The following PCCB variants were observed in gnomAD, a reference collection of about 807,000 sequenced individuals.
The protein encoded by PCCB is propionyl-CoA carboxylase beta chain, mitochondrial.
PCCB carries 43 observed loss-of-function variants against 60.7 expected under a neutral mutation model. The ratio of observed to expected loss-of-function variants is 0.71; its 90% confidence interval spans 0.55 to 0.91. The LOEUF (loss-of-function observed/expected upper bound fraction) is 0.91, where lower values mean the gene tolerates loss of function less well. Ranked by LOEUF, PCCB falls within the 40% of genes least tolerant of loss-of-function variation. The pLI, the probability that PCCB is intolerant of heterozygous loss-of-function variation, is 0.00. For missense variants in PCCB, 766 were observed against 702.8 expected (o/e 1.09, Z -1.02); for synonymous variants, 276 against 255.9 (o/e 1.08, Z -0.75).
chr3:136,302,069 C>T (rs570983648), intron 9 of PCCB, among the ~76,000 whole-genome samples: 38 of 152,324 alleles, frequency 2.5e-4, no homozygotes, highest in African/African-American at 8.9e-4. Context: ...GTTGTAGCAA[C>T]AGTGACCACC....
chr3:136,293,823 A>G lies in PCCB; in HGVS notation c.722A>G (p.Gln241Arg), dbSNP rs766364049. The G allele has an allele frequency of 8.7e-6, 14 of 1,612,874 alleles. No individual in the cohort carries two copies. Among genetic ancestry groups the G allele is most frequent in the Non-Finnish European group, 1.2e-5 (14 of 1,179,072 alleles). The part of the protein sequence containing the change: ...VKSVTNEDVT[Q>R]EELGGAKTHT... ...TCTGTCACCAATGAGGATGTTACCC[A>G]GGAGGAGCTCGGTGGTGCCAAGACC... The change falls in exon 7 of 15, where the codon CAG becomes CGG. Residue 241 changes from glutamine (Q) to arginine (R), a missense_variant. By Grantham distance (43) the Gln-to-Arg change is conservative. Coordinates refer to ENST00000251654, the MANE Select transcript of PCCB (RefSeq NM_000532.5).
chr3:136,269,951 G>A (rs1322858838), intron 5 of PCCB, among the ~76,000 whole-genome samples: 3 of 147,212 alleles, frequency 2.0e-5, no homozygotes, highest in African/African-American at 2.5e-5. Flanking sequence ...TAAGGAGAAA[G>A]CATTCATTCT....
chr3:136,265,497 T>A (rs1560000805), intron 5 of PCCB, among the ~76,000 whole-genome samples: 1 of 152,240 alleles, frequency 6.6e-6, no homozygotes, highest in Non-Finnish European at 1.5e-5. Flanking sequence ...TCCTTTTTAT[T>A]GGTGAATAAT....
chr3:136,272,018 A>G (rs1412317233), intron 5 of PCCB, among the ~76,000 whole-genome samples: 6 of 152,032 alleles, frequency 3.9e-5, no homozygotes, highest in East Asian at 3.8e-4. Context: ...TGCTTTTACT[A>G]TTTTGAAGTA....
intron 10 of PCCB, among the ~76,000 whole-genome samples, chr3:136,323,316 G>GT (rs1446998641): frequency 2.0e-5 from 3 of 152,056 alleles, no homozygotes; most frequent in African/African-American, 7.2e-5. Flanking sequence ...AATTTCAATT[G>GT]TTTTATCTTC....
At chr3:136,309,318 G>GA (rs1459860831) in intron 9 of PCCB, among the ~76,000 whole-genome samples, 1 of 151,298 alleles carries the variant, frequency 6.6e-6, no homozygotes, top group African/African-American at 2.4e-5. Flanking sequence ...AAAGCCAGGG[G>GA]AAAAAACCCT....
chr3:136,260,174 A>G (rs1393109450), intron 3 of PCCB: 2 of 452,434 alleles, frequency 4.4e-6, no homozygotes, highest in Non-Finnish European at 8.2e-6. Flanking sequence ...CCAGGGCTCA[A>G]GCAATCCTCC....
rs541145899 is a variant in PCCB, at chr3:136,278,030, C to T, written c.544-5807C>T. On this transcript the variant is annotated intron_variant, in intron 5 of 14. Coordinates refer to ENST00000251654, the MANE Select transcript of PCCB (RefSeq NM_000532.5). ...GAAATGGGGAGATTCTTTCAACCTG[C>T]GACCACTACCTGAGCTTGTTGGCTG... 3.3e-5 allele frequency among the ~76,000 whole-genome samples: 5 copies of T among 152,294 alleles called. No homozygotes were observed. In the East Asian group the frequency reaches 5.8e-4, roughly 18 times the overall value.
At chr3:136,263,368 C>A (rs997036629) in intron 5 of PCCB, among the ~76,000 whole-genome samples, 1 of 151,088 alleles carries the variant, frequency 6.6e-6, no homozygotes, top group East Asian at 2.0e-4. Context: ...TGGGCTCAAG[C>A]GATCATCCCA....
chr3:136,315,208 A>T (rs1222119435), intron 9 of PCCB, among the ~76,000 whole-genome samples: 1 of 152,236 alleles, frequency 6.6e-6, no homozygotes, highest in Non-Finnish European at 1.5e-5. Context: ...AAAGGATACT[A>T]TTGGAACAAT....
intron 9 of PCCB, among the ~76,000 whole-genome samples, chr3:136,311,956 A>G (rs545908198): frequency 6.6e-6 from 1 of 152,230 alleles, no homozygotes; most frequent in Non-Finnish European, 1.5e-5. Flanking sequence ...TTTATACAAA[A>G]GTGCACATGG....
At position 136,283,939 on chromosome 3, in the gene PCCB, A is replaced by G. The variant is rs747252352; in HGVS notation, c.646A>G (p.Met216Val). Residue 216 changes from methionine (M) to valine (V), a missense_variant, in exon 6 of 15, where the codon ATG becomes GTG. Coordinates refer to ENST00000251654, the MANE Select transcript of PCCB (RefSeq NM_000532.5). Reference sequence around the variant, plus strand: ...CCCAGCCCTAACAGACTTCACGTTCATGGTAAAGGTAAGAAAGAAGGGCCT... The same window carrying G: ...CCCAGCCCTAACAGACTTCACGTTCGTGGTAAAGGTAAGAAAGAAGGGCCT... ...YSPALTDFTF[M>V]VKDTSYLFIT... 13 of 1,605,086 alleles carry G rather than the reference A, an allele frequency of 8.1e-6. 1 individual carries two copies. Among genetic ancestry groups the G allele is most frequent in the Middle Eastern group, 1.7e-4 (1 of 5,906 alleles).
At chr3:136,309,486 T>G (rs112945064) in intron 9 of PCCB, among the ~76,000 whole-genome samples, 1 of 151,774 alleles carries the variant, frequency 6.6e-6, no homozygotes, top group Admixed American at 6.6e-5. Flanking sequence ...GGAATAACCA[T>G]TGAAAAAGAA....
intron 10 of PCCB, 141 bp from the exon 11 acceptor site, chr3:136,326,662 T>C (rs1935321331): frequency 4.1e-6 from 3 of 734,102 alleles, no homozygotes; most frequent in Admixed American, 3.8e-5. Flanking sequence ...GTTTGAGGGG[T>C]CCTTGTTACC....
intron 1 of PCCB, chr3:136,252,218 T>C: frequency 8.8e-6 from 4 of 453,434 alleles, no homozygotes; most frequent in South Asian, 4.7e-5. Flanking sequence ...ACCATTTCCG[T>C]AGATTTTCCC....
chr3:136,267,601 C>T (rs1249567137), intron 5 of PCCB, among the ~76,000 whole-genome samples: 2 of 152,136 alleles, frequency 1.3e-5, no homozygotes, highest in Non-Finnish European at 2.9e-5. Flanking sequence ...CCTCCTGCCT[C>T]ATCCTCCTGA....
rs1941833625 is a variant in PCCB at position 136,261,802 on chromosome 3, A to G, written c.430-150A>G. On this transcript the variant is annotated intron_variant, in intron 4 of 14. Transcript: ENST00000251654. The stretch of plus-strand genomic sequence containing the variant: ...TCCTTTGTCTTCCATGAAGGTACCC[A>G]ATCGTGATGGGGAGTGAAACCAGTG... The G allele has an allele frequency of 4.5e-6, 3 of 669,604 alleles. No homozygotes were observed. The East Asian group carries it at 8.4e-5, about 19-fold the overall frequency. The allele number at this position is 669,604 out of a possible 1,614,324, so 41.5% of individuals were successfully genotyped here.
chr3:136,275,206 G>T (rs899307996), intron 5 of PCCB, among the ~76,000 whole-genome samples: 3 of 152,026 alleles, frequency 2.0e-5, no homozygotes, highest in East Asian at 1.9e-4. Context: ...TCTTTGACTT[G>T]TTCTGGTCTA....
At chr3:136,258,592 A>G (rs1328569941) in intron 3 of PCCB, among the ~76,000 whole-genome samples, 2 of 151,952 alleles carry the variant, frequency 1.3e-5, no homozygotes, top group Non-Finnish European at 1.5e-5. Flanking sequence ...TTGCCTGATA[A>G]TTGGCTGTTG....
Sources: gnomAD v4.1 joint callset for allele counts (sites outside exome capture counted in the v4.1 genomes callset) on GRCh38, gnomAD v4.1.1 for gene constraint, MANE v1.5 for transcripts, NCBI Gene and HGNC (gene_info 2026-07-23, HGNC 2026-07-21) for gene names.